The following CDS2 variants were observed in gnomAD, a reference collection of about 807,000 sequenced individuals.
CDS2 encodes the protein CDP-diacylglycerol synthase 2, also known as phosphatidate cytidylyltransferase 2.
Under a neutral mutation model 59.0 loss-of-function variants are expected in CDS2, and 47 were observed. The observed-to-expected ratio is 0.80, with a 90% CI of 0.63 to 1.02. The LOEUF (loss-of-function observed/expected upper bound fraction) is 1.02, where lower values mean the gene tolerates loss of function less well. Among genes scored for constraint, CDS2 ranks in the 50% least tolerant of loss-of-function variants. The pLI, the probability that CDS2 is intolerant of heterozygous loss-of-function variation, is 0.00. For synonymous variants in CDS2, 207 were observed against 206.4 expected (o/e 1.00, Z -0.02); for missense variants, 356 against 558.9 (o/e 0.64, Z 3.66).
Position 5,184,503 on chromosome 20 carries a change from T to A in CDS2, c.672-355T>A, listed in dbSNP as rs1427861834. On this transcript the variant is annotated intron_variant, in intron 7 of 12. Transcript: ENST00000460006. This position sits in a 1 kb window ranked among gnomAD's most constrained non-coding sequence, Gnocchi z 4.3. ...ATTAGAAACGATTAGAAGTGGTTATTTTTGGGAATGGAGATAGGGATGGGA... is the reference window on the plus strand; with the variant it reads ...ATTAGAAACGATTAGAAGTGGTTATATTTGGGAATGGAGATAGGGATGGGA... Among the ~76,000 whole-genome samples the A allele has an allele frequency of 6.6e-6, 1 of 152,160 alleles. No homozygotes were observed. Among genetic ancestry groups the A allele is most frequent in the Non-Finnish European group, 1.5e-5 (1 of 68,028 alleles).
chr20:5,146,212 G>A (rs918515848), intron 1 of CDS2, among the ~76,000 whole-genome samples: 23 of 152,160 alleles, frequency 1.5e-4, no homozygotes, highest in African/African-American at 4.6e-4. Flanking sequence ...TTGTGTATGT[G>A]ATGAAGGATA....
chr20:5,186,932 C>T (rs1309906309), intron 10 of CDS2, 93 bp downstream of exon 10: 2 of 1,416,726 alleles, frequency 1.4e-6, no homozygotes, highest in Non-Finnish European at 2.0e-6. Context: ...AAAAAGCTAG[C>T]TTCCTCCTTC....
At chr20:5,174,653 C>T (rs935209077) in intron 2 of CDS2, among the ~76,000 whole-genome samples, 2 of 150,774 alleles carry the variant, frequency 1.3e-5, no homozygotes, top group South Asian at 2.1e-4. Context: ...TGAACCTGGG[C>T]GGAGCTTGCA....
Position 5,192,188 on chromosome 20 carries a change from C to T in CDS2, c.*1954C>T, listed in dbSNP as rs1007147394. On this transcript the variant is annotated 3_prime_UTR_variant, in exon 13 of 13. Transcript: ENST00000460006. ...GGGCTCCTCATTTGTCTCTTTTGTCCCATTGTGGGCATATGGTGGGCTCCT... is the reference window on the plus strand; with the variant it reads ...GGGCTCCTCATTTGTCTCTTTTGTCTCATTGTGGGCATATGGTGGGCTCCT... 2 of 152,242 alleles carry T rather than the reference C, an allele frequency of 1.3e-5. No individual in the cohort carries two copies. Among genetic ancestry groups the T allele is most frequent in the Non-Finnish European group, 2.9e-5 (2 of 68,134 alleles). 9.4% of individuals were successfully genotyped at this position (152,242 alleles called of 1,614,324 possible).
intron 1 of CDS2, among the ~76,000 whole-genome samples, chr20:5,142,069 C>T (rs966109974): frequency 2.1e-4 from 32 of 152,164 alleles, no homozygotes; most frequent in African/African-American, 6.8e-4. Flanking sequence ...AATTCCAGCG[C>T]TCTAAAGGCT....
intron 1 of CDS2, among the ~76,000 whole-genome samples, chr20:5,133,788 G>A (rs1355839288): frequency 6.6e-6 from 1 of 152,206 alleles, no homozygotes; most frequent in East Asian, 1.9e-4. Flanking sequence ...GCCTACCAAA[G>A]TGATGGGATT....
intron 4 of CDS2, among the ~76,000 whole-genome samples, chr20:5,178,605 G>C (rs980048108): frequency 2.0e-5 from 3 of 152,168 alleles, no homozygotes; most frequent in African/African-American, 7.2e-5. Flanking sequence ...GAGAGTGAAT[G>C]AAAGCTGCTG....
chr20:5,167,813 A>G (rs1001237791), intron 1 of CDS2, among the ~76,000 whole-genome samples: 1 of 152,206 alleles, frequency 6.6e-6, no homozygotes, highest in African/African-American at 2.4e-5. Flanking sequence ...TCCAGGAGAA[A>G]GTTGATAATT....
chr20:5,173,993 C>T (rs1253858714), intron 2 of CDS2, among the ~76,000 whole-genome samples: 1 of 152,216 alleles, frequency 6.6e-6, no homozygotes, highest in African/African-American at 2.4e-5. Flanking sequence ...CACAGGAAAC[C>T]AGCCTTGGGT....
chr20:5,157,058 A>T (rs998992221), intron 1 of CDS2, among the ~76,000 whole-genome samples: 6 of 152,192 alleles, frequency 3.9e-5, no homozygotes, highest in African/African-American at 1.2e-4. Flanking sequence ...GAGTGGAACA[A>T]AGCTAGGTAG....
At chr20:5,174,200 A>T (rs1010957056) in intron 2 of CDS2, among the ~76,000 whole-genome samples, 5 of 152,188 alleles carry the variant, frequency 3.3e-5, no homozygotes, top group Non-Finnish European at 7.4e-5. Context: ...ATGTGAGTAG[A>T]TCAAAAACAC....
At chr20:5,127,617 T>C (rs953762828) in intron 1 of CDS2, among the ~76,000 whole-genome samples, 1 of 152,056 alleles carries the variant, frequency 6.6e-6, no homozygotes, top group Non-Finnish European at 1.5e-5. Flanking sequence ...TCCTGGGAGA[T>C]GTAAATCCCT....
rs561244497 is a variant in CDS2, at chr20:5,127,211, G to T, written c.57+62G>T. The T allele has an allele frequency of 3.3e-4, 444 of 1,363,044 alleles. 1 individual carries two copies. In the African/African-American group the frequency reaches 6.2e-3, roughly 19 times the overall value. The allele number at this position is 1,363,044 out of a possible 1,614,324, so 84.4% of individuals were successfully genotyped here. On this transcript the variant is annotated intron_variant, in intron 1 of 12. Transcript: ENST00000460006. The stretch of plus-strand genomic sequence containing the variant: ...CGGCGCATCCGGGAGGCCTGCGGGG[G>T]ACGCGCGCAGAGGGGTCGTCTTGTT...
intron 1 of CDS2, among the ~76,000 whole-genome samples, chr20:5,144,921 T>C (rs1055089473): frequency 2.0e-5 from 3 of 152,166 alleles, no homozygotes; most frequent in African/African-American, 7.2e-5. Context: ...ACTACTATTG[T>C]GAGTGGCTCA....
chr20:5,150,474 A>G (rs115434699), intron 1 of CDS2, among the ~76,000 whole-genome samples: 229 of 152,340 alleles, frequency 1.5e-3, no homozygotes, highest in African/African-American at 5.1e-3. Flanking sequence ...AAGAGCCCCT[A>G]ACACAGGGAA....
chr20:5,152,150 A>G (rs2090797574), intron 1 of CDS2, among the ~76,000 whole-genome samples: 1 of 151,806 alleles, frequency 6.6e-6, no homozygotes, highest in African/African-American at 2.4e-5. Flanking sequence ...GGTGACATTG[A>G]TACAAGTATA....
At chr20:5,138,099 A>G (rs747119701) in intron 1 of CDS2, among the ~76,000 whole-genome samples, 17 of 148,254 alleles carry the variant, frequency 1.1e-4, no homozygotes, top group Non-Finnish European at 2.2e-4. Context: ...GCCTGGCCAC[A>G]TTTATCATTT....
intron 5 of CDS2, among the ~76,000 whole-genome samples, chr20:5,181,151 G>A (rs750126816): frequency 2.0e-5 from 3 of 152,218 alleles, no homozygotes; most frequent in Admixed American, 2.0e-4. Context: ...CTGATACGGG[G>A]TCGGTAGCTG....
In CDS2 at chr20:5,175,066, G is replaced by GA; in HGVS notation, c.195-114dup. On this transcript the variant is annotated intron_variant, in intron 2 of 12. Transcript: ENST00000460006. ...TGGTGCCTCCGTCACGGTGAATCTGGAAAGGACTGAGCTCAGGGCCCTCAT... is the reference window on the plus strand; with the variant it reads ...TGGTGCCTCCGTCACGGTGAATCTGGAAAAGGACTGAGCTCAGGGCCCTCAT... 3 of 754,166 alleles carry GA rather than the reference G, an allele frequency of 4.0e-6. No individual in the cohort carries two copies. The South Asian group carries it at 4.7e-5, about 12-fold the overall frequency. The allele number at this position is 754,166 out of a possible 1,614,324, so 46.7% of individuals were successfully genotyped here.
Sources: allele counts gnomAD v4.1 joint callset (sites outside exome capture counted in the v4.1 genomes callset), GRCh38; gene constraint gnomAD v4.1.1; non-coding constraint Gnocchi (gnomAD v3.1); transcripts MANE v1.5; gene names NCBI Gene and HGNC (gene_info 2026-07-23, HGNC 2026-07-21).